Variants in PLCB1 observed in about 807,000 individuals in gnomAD.
The protein encoded by PLCB1 is phospholipase C beta 1, also known as 1-phosphatidylinositol 4,5-bisphosphate phosphodiesterase beta-1.
In PLCB1, 46 loss-of-function variants were observed where a neutral mutation model predicts 161.8. The ratio of observed to expected loss-of-function variants is 0.28; its 90% CI spans 0.22 to 0.36. The LOEUF (loss-of-function observed/expected upper bound fraction) is 0.36. Among genes scored for constraint, PLCB1 ranks in the 10% least tolerant of loss-of-function variants. PLCB1 has a pLI of 1.00. For missense variants in PLCB1, 1,016 were observed against 1,472.5 expected (o/e 0.69, Z 5.07); for synonymous variants, 517 against 503.7 (o/e 1.03, Z -0.35).
chr20:8,432,724 G>A (rs1222399685), intron 3 of PLCB1, among the ~76,000 whole-genome samples: 1 of 152,166 alleles, frequency 6.6e-6, no homozygotes, highest in Non-Finnish European at 1.5e-5. Context: ...CTTAGAAGTG[G>A]CATTTGAAGT....
chr20:8,687,539 T>G (rs910930584), intron 10 of PLCB1, among the ~76,000 whole-genome samples: 1 of 152,176 alleles, frequency 6.6e-6, no homozygotes, highest in African/African-American at 2.4e-5. Flanking sequence ...CTTATGCCTT[T>G]GCGTCCTCAT....
chr20:8,523,496 C>CTCTCTCTCTCTCTCTCTCTCTATATATA, intron 3 of PLCB1, among the ~76,000 whole-genome samples: 4 of 51,652 alleles, frequency 7.7e-5, no homozygotes, highest in Admixed American at 4.8e-4. Context: ...CTCTCTCTCT[C>CTCTCTCTCTCTCTCTCTCTCTATATATA]TATATATATA....
At chr20:8,155,435 C>T (rs188646450) in intron 2 of PLCB1, among the ~76,000 whole-genome samples, 8 of 152,198 alleles carry the variant, frequency 5.3e-5, no homozygotes, top group African/African-American at 1.9e-4. Flanking sequence ...ATAGTCTTCT[C>T]TTATGATAAC....
intron 9 of PLCB1, among the ~76,000 whole-genome samples, chr20:8,667,462 G>C (rs1180948097): frequency 1.3e-5 from 2 of 152,172 alleles, no homozygotes; most frequent in African/African-American, 4.8e-5. Flanking sequence ...GGTTGACTTG[G>C]CAACTCCCTT....
intron 2 of PLCB1, among the ~76,000 whole-genome samples, chr20:8,175,207 G>T (rs1212759289): frequency 4.6e-5 from 7 of 151,556 alleles, no homozygotes; most frequent in African/African-American, 1.7e-4. Context: ...CTCCAAGAAG[G>T]CAAGAAAAGG....
rs561685256 is a variant in PLCB1 at position 8,765,258 on chromosome 20, C to G, written c.2830C>G (p.Leu944Val). The G allele has an allele frequency of 6.2e-7, 1 of 1,613,888 alleles. No individual in the cohort carries two copies. Among genetic ancestry groups the G allele is most frequent in the East Asian group, 2.2e-5 (1 of 44,870 alleles). The change falls in exon 26 of 32, where the codon CTT becomes GTT. Residue 944 changes from leucine (L) to valine (V), a missense_variant. Physicochemically the swap from Leu to Val is conservative, Grantham distance 32. Coordinates refer to ENST00000338037, the MANE Select transcript of PLCB1 (RefSeq NM_015192.4). ...VKRHHKKTTD[L>V]IKEHTTKYNE... ...GAGACACCACAAGAAAACCACTGAC[C>G]TTATCAAAGAACACACTACCAAGTA... is the stretch of plus-strand genomic sequence containing the variant.
intron 23 of PLCB1, among the ~76,000 whole-genome samples, chr20:8,749,072 C>T (rs1981319718): frequency 6.6e-6 from 1 of 152,158 alleles, no homozygotes; most frequent in Non-Finnish European, 1.5e-5. Context: ...CCAGGTGATG[C>T]TTATGGCCCA....
intron 23 of PLCB1, among the ~76,000 whole-genome samples, chr20:8,745,170 A>G (rs1405142231): frequency 2.0e-5 from 3 of 152,020 alleles, no homozygotes; most frequent in Non-Finnish European, 4.4e-5. Context: ...CAACTCAAGG[A>G]AAAAAAATCA....
chr20:8,456,501 G>C (rs1411358333), intron 3 of PLCB1, among the ~76,000 whole-genome samples: 1 of 151,930 alleles, frequency 6.6e-6, no homozygotes, highest in African/African-American at 2.4e-5. Context: ...TAAAGAAATA[G>C]GTTGGTCTTT....
chr20:8,181,079 C>T (rs188380005), intron 2 of PLCB1, among the ~76,000 whole-genome samples: 15 of 151,378 alleles, frequency 9.9e-5, no homozygotes, highest in African/African-American at 3.4e-4. Flanking sequence ...GGCGAAACCC[C>T]GTCTCTACTA....
At chr20:8,407,770 C>T (rs1978850636) in intron 3 of PLCB1, among the ~76,000 whole-genome samples, 1 of 152,038 alleles carries the variant, frequency 6.6e-6, no homozygotes, top group Non-Finnish European at 1.5e-5. Flanking sequence ...AGTCATGTTG[C>T]TGGTTTGTAA....
chr20:8,741,418 C>A, intron 22 of PLCB1, 46 bp from the exon 23 acceptor site: 2 of 1,309,458 alleles, frequency 1.5e-6, no homozygotes, highest in South Asian at 2.4e-5. Flanking sequence ...GATGGATAAT[C>A]AATACTTCCA....
chr20:8,344,403 G>C (rs1985919477), intron 2 of PLCB1, among the ~76,000 whole-genome samples: 1 of 152,128 alleles, frequency 6.6e-6, no homozygotes, highest in Non-Finnish European at 1.5e-5. Flanking sequence ...CTGCTGCTTT[G>C]GGTGGGAACA....
chr20:8,148,924 G>A (rs1214758425), intron 1 of PLCB1, among the ~76,000 whole-genome samples: 1 of 152,192 alleles, frequency 6.6e-6, no homozygotes, highest in Non-Finnish European at 1.5e-5. Context: ...AGGGGCAAGA[G>A]GGAATGAGGA....
At chr20:8,452,593 A>G (rs1981120111) in intron 3 of PLCB1, among the ~76,000 whole-genome samples, 1 of 152,248 alleles carries the variant, frequency 6.6e-6, no homozygotes, top group Admixed American at 6.5e-5. Context: ...AGTGAGCTAA[A>G]ACAAATAATG....
intron 3 of PLCB1, among the ~76,000 whole-genome samples, chr20:8,593,666 T>G (rs1202999904): frequency 6.6e-6 from 1 of 152,288 alleles, no homozygotes. Flanking sequence ...TTTTATTTTT[T>G]TAATGGGGTG....
intron 3 of PLCB1, among the ~76,000 whole-genome samples, chr20:8,435,460 C>T (rs959181507): frequency 7.9e-5 from 12 of 152,030 alleles, no homozygotes; most frequent in African/African-American, 2.9e-4. Flanking sequence ...AGGTGAAAGC[C>T]CTTAAAAAAG....
chr20:8,235,657 A>C (rs947713963), intron 2 of PLCB1, among the ~76,000 whole-genome samples: 1 of 152,116 alleles, frequency 6.6e-6, no homozygotes, highest in African/African-American at 2.4e-5. Context: ...TGAATTAAGC[A>C]CTATAAATAT....
intron 11 of PLCB1, among the ~76,000 whole-genome samples, chr20:8,706,624 C>T (rs940678911): frequency 1.3e-5 from 2 of 152,174 alleles, no homozygotes; most frequent in African/African-American, 2.4e-5. Flanking sequence ...TTGATGACCT[C>T]TATTCTCAGT....
Sources: gnomAD v4.1 joint callset for allele counts (sites outside exome capture counted in the v4.1 genomes callset) on GRCh38, gnomAD v4.1.1 for gene constraint, MANE v1.5 for transcripts, NCBI Gene and HGNC (gene_info 2026-07-23, HGNC 2026-07-21) for gene names.